Variants in CREB5 observed in about 807,000 individuals in gnomAD.
The protein encoded by CREB5 is cAMP responsive element binding protein 5, also known as cyclic AMP-responsive element-binding protein 5.
Under a neutral mutation model 57.1 loss-of-function variants are expected in CREB5, and 19 were observed. The observed-to-expected ratio is 0.33, with a 90% CI of 0.23 to 0.49. The LOEUF (loss-of-function observed/expected upper bound fraction) is 0.49, where lower values mean the gene tolerates loss of function less well. CREB5 is among the 20% of genes least tolerant of loss of function. CREB5 has a pLI of 0.99. For missense variants in CREB5, 579 were observed against 671.6 expected (o/e 0.86, Z 1.52); for synonymous variants, 238 against 238.3 (o/e 1.00, Z 0.01).
In CREB5 at chr7:28,522,398, T is replaced by TTG. The variant is rs1554336806; in HGVS notation, c.291+14662_291+14663insGT. On this transcript the variant is annotated intron_variant, in intron 4 of 10. Transcript: ENST00000357727. ...ACTATATCCTGCTCTTTGTTTTTTT[T>TTG]TTTTTTTTTTTTTCTGAGGTGGAGT... Among the ~76,000 whole-genome samples, 491 of 149,310 alleles carry TTG rather than the reference T, an allele frequency of 3.3e-3. 1 individual carries two copies. The highest frequency in any genetic ancestry group is 0.012 in the African/African-American group (471 of 40,346).
Position 28,716,279 on chromosome 7 carries a change from C to A in CREB5, c.465-2474C>A, listed in dbSNP as rs1802680874. Among the ~76,000 whole-genome samples the A allele has an allele frequency of 2.0e-5, 3 of 152,110 alleles. No individual in the cohort carries two copies. In the South Asian group the frequency reaches 6.2e-4, roughly 32 times the overall value. Reference sequence around the variant, plus strand: ...TATTTTTCATATGTCCCATTGGATACAGAATGTAAATGATGATAATATGTT... The same window carrying A: ...TATTTTTCATATGTCCCATTGGATAAAGAATGTAAATGATGATAATATGTT... On this transcript the variant is annotated intron_variant, in intron 5 of 10. Coordinates refer to ENST00000357727, the MANE Select transcript of CREB5 (RefSeq NM_182898.4).
intron 5 of CREB5, among the ~76,000 whole-genome samples, chr7:28,709,683 TA>T (rs1402330620): frequency 6.7e-6 from 1 of 148,820 alleles, no homozygotes; most frequent in Non-Finnish European, 1.5e-5. Context: ...GCCAGGCTTT[TA>T]TTAAAAAAAA....
intron 1 of CREB5, among the ~76,000 whole-genome samples, chr7:28,427,669 G>C (rs1156864823): frequency 6.6e-6 from 1 of 151,980 alleles, no homozygotes; most frequent in Non-Finnish European, 1.5e-5. Context: ...TCCTTCTCCA[G>C]AGACTGACCT....
At chr7:28,737,275 A>G (rs996870698) in intron 7 of CREB5, among the ~76,000 whole-genome samples, 2 of 151,878 alleles carry the variant, frequency 1.3e-5, no homozygotes, top group African/African-American at 4.8e-5. Context: ...TGGAATTAAG[A>G]ATAAAATTTT....
At chr7:28,473,384 T>C (rs12671247) in intron 1 of CREB5, among the ~76,000 whole-genome samples, 24,354 of 152,228 alleles carry the variant, frequency 0.16, 2,086 homozygotes, top group East Asian at 0.2. Context: ...ACCCTCTTTA[T>C]CTCTTTCAGT....
intron 5 of CREB5, among the ~76,000 whole-genome samples, chr7:28,619,217 C>A (rs910401171): frequency 2.6e-5 from 4 of 152,202 alleles, no homozygotes; most frequent in African/African-American, 9.7e-5. Context: ...CAAAGGCCTG[C>A]AGCTAGTAAA....
intron 1 of CREB5, among the ~76,000 whole-genome samples, chr7:28,301,630 A>T (rs1317174803): frequency 3.3e-5 from 5 of 152,220 alleles, no homozygotes; most frequent in Non-Finnish European, 5.9e-5. Context: ...ATATTCTAGA[A>T]AAAGAGAAAG....
chr7:28,405,543 G>A (rs1194351687), intron 1 of CREB5, among the ~76,000 whole-genome samples: 3 of 152,086 alleles, frequency 2.0e-5, no homozygotes, highest in African/African-American at 7.2e-5. Flanking sequence ...CTCCTGAGTA[G>A]CTGAGACCAC....
chr7:28,644,504 C>T (rs974875448), intron 5 of CREB5, among the ~76,000 whole-genome samples: 2 of 152,096 alleles, frequency 1.3e-5, no homozygotes, highest in Non-Finnish European at 2.9e-5. Context: ...CCTTGTCGCG[C>T]CCCCAACGTT....
At chr7:28,601,228 G>T (rs1796908430) in intron 5 of CREB5, among the ~76,000 whole-genome samples, 1 of 151,906 alleles carries the variant, frequency 6.6e-6, no homozygotes, top group South Asian at 2.1e-4. Flanking sequence ...CTATTTTAGT[G>T]TGGGGTGGTG....
chr7:28,703,858 A>G (rs934264376), intron 5 of CREB5, among the ~76,000 whole-genome samples: 2 of 152,356 alleles, frequency 1.3e-5, no homozygotes, highest in South Asian at 4.1e-4. Flanking sequence ...TTAACCAGAT[A>G]TCTGGGCAAC....
chr7:28,551,848 TTTCTTTC>T (rs1383732515), intron 4 of CREB5, among the ~76,000 whole-genome samples: 66 of 147,190 alleles, frequency 4.5e-4, no homozygotes, highest in African/African-American at 1.2e-3. Flanking sequence ...TTTCTTTTTC[TTTCTTTC>T]TTTTCTTTCT....
In CREB5 at chr7:28,412,863, T is replaced by C; in HGVS notation, c.-52T>C. On this transcript the variant is annotated 5_prime_UTR_variant, in exon 1 of 11. Coordinates refer to ENST00000357727, the MANE Select transcript of CREB5 (RefSeq NM_182898.4). ...TACTAGAAAGAAAGGAAGAAAAAACTTGATTTGGTGACTGCAGGAAGCAAC... is the reference window on the plus strand; with the variant it reads ...TACTAGAAAGAAAGGAAGAAAAAACCTGATTTGGTGACTGCAGGAAGCAAC... 2 of 1,452,104 alleles carry C rather than the reference T, an allele frequency of 1.4e-6. No individual in the cohort carries two copies. The highest frequency in any genetic ancestry group is 1.8e-6 in the Non-Finnish European group (2 of 1,098,486). The allele number at this position is 1,452,104 out of a possible 1,614,324, so 90.0% of individuals were successfully genotyped here. A position where few individuals can be genotyped will look rare whatever the true frequency, so the allele number is the denominator to read the frequency against.
At chr7:28,346,515 T>C (rs999592297) in intron 1 of CREB5, among the ~76,000 whole-genome samples, 2 of 152,218 alleles carry the variant, frequency 1.3e-5, no homozygotes, top group Non-Finnish European at 2.9e-5. Context: ...CATGTGAATT[T>C]TGGAGGAACA....
At chr7:28,561,491 T>A (rs1197522587) in intron 4 of CREB5, among the ~76,000 whole-genome samples, 1 of 152,240 alleles carries the variant, frequency 6.6e-6, no homozygotes, top group African/African-American at 2.4e-5. Flanking sequence ...TATCCAACAC[T>A]GCATTAAATG....
chr7:28,583,793 C>T (rs1158266025), intron 5 of CREB5, among the ~76,000 whole-genome samples: 2 of 152,152 alleles, frequency 1.3e-5, no homozygotes, highest in East Asian at 1.9e-4. Flanking sequence ...ATTCTCCTGC[C>T]TCAGCCTCCA....
intron 5 of CREB5, chr7:28,615,595 C>G (rs1797567691): frequency 6.6e-6 from 1 of 152,396 alleles, no homozygotes; most frequent in Non-Finnish European, 1.5e-5. Context: ...GGTCTGCTGG[C>G]TGGCACAGGT....
At chr7:28,812,277 T>C (rs1349359924) in intron 9 of CREB5, among the ~76,000 whole-genome samples, 1 of 152,204 alleles carries the variant, frequency 6.6e-6, no homozygotes, top group Non-Finnish European at 1.5e-5. Flanking sequence ...GGGTATTGAC[T>C]GTGATCCTAA....
intron 5 of CREB5, among the ~76,000 whole-genome samples, chr7:28,692,059 G>A (rs1043045318): frequency 3.5e-4 from 53 of 150,988 alleles, no homozygotes; most frequent in African/African-American, 1.2e-3. Context: ...GGTGGCATGC[G>A]CACGTAGTCC....
Sources: allele counts gnomAD v4.1 joint callset (sites outside exome capture counted in the v4.1 genomes callset), GRCh38; gene constraint gnomAD v4.1.1; transcripts MANE v1.5; gene names NCBI Gene and HGNC (gene_info 2026-07-23, HGNC 2026-07-21).